The following USP31 variants were observed in gnomAD, a reference collection of about 807,000 sequenced individuals.
USP31 encodes the protein ubiquitin specific peptidase 31.
In USP31, 44 loss-of-function variants were observed where a neutral mutation model predicts 119.4. The observed-to-expected ratio is 0.37, with a 90% confidence interval of 0.29 to 0.47. The LOEUF (loss-of-function observed/expected upper bound fraction) is 0.47, where lower values mean the gene tolerates loss of function less well. Ranked by LOEUF, USP31 falls within the 20% of genes least tolerant of loss-of-function variation. The probability of loss-of-function intolerance (pLI) is 0.99; values close to 1 mark genes in which losing one functional copy is unlikely to be tolerated. For synonymous variants in USP31, 749 were observed against 705.6 expected (o/e 1.06, Z -0.97); for missense variants, 1,643 against 1,730.2 (o/e 0.95, Z 0.89).
intron 13 of USP31, among the ~76,000 whole-genome samples, chr16:23,077,854 A>G (rs1436531642): frequency 6.6e-6 from 1 of 152,208 alleles, no homozygotes; most frequent in Non-Finnish European, 1.5e-5. Flanking sequence ...CCAAGACTCA[A>G]TCTCAAGGAA....
intron 1 of USP31, among the ~76,000 whole-genome samples, chr16:23,113,458 G>C (rs563955358): frequency 6.6e-6 from 1 of 152,302 alleles, no homozygotes; most frequent in South Asian, 2.1e-4. Context: ...AGCCAGGAGA[G>C]AGAGAGTGGC....
chr16:23,071,515 T>C (rs1351567312), intron 15 of USP31, among the ~76,000 whole-genome samples: 2 of 151,880 alleles, frequency 1.3e-5, no homozygotes, highest in African/African-American at 2.4e-5. Flanking sequence ...GACTTTTTAC[T>C]ATCTCTATGC....
rs149815890 is a variant in USP31 at position 23,068,179 on chromosome 16, C to G, written c.3926G>C (p.Arg1309Pro). The G allele has an allele frequency of 6.2e-7, 1 of 1,614,152 alleles. No homozygotes were observed. The highest frequency in any genetic ancestry group is 1.7e-5 in the Admixed American group (1 of 60,024). Residue 1309 changes from arginine to proline, a missense_variant, in exon 16 of 16, where the codon CGC (arginine) becomes CCC (proline). Physicochemically the swap from Arg to Pro is moderately radical, Grantham distance 103. Transcript: ENST00000219689. ...ASAKHSLLSARKSKSSQLDSG... is the reference protein window; with the variant it reads ...ASAKHSLLSAPKSKSSQLDSG... The stretch of plus-strand genomic sequence containing the variant: ...GTCTAGTTGGGAAGACTTGGATTTG[C>G]GAGCGGACAGCAGGGAATGTTTGGC...
In USP31 at chr16:23,073,795, C is replaced by G; in HGVS notation, c.2262G>C (p.Thr754=). 6.2e-7 allele frequency: 1 copy of G among 1,614,098 alleles called. No homozygotes were observed. The highest frequency in any genetic ancestry group is 8.5e-7 in the Non-Finnish European group (1 of 1,180,016). The change falls in exon 14 of 16, where the codon ACG becomes ACC. Residue 754 remains threonine (T), a synonymous_variant. Coordinates refer to ENST00000219689, the MANE Select transcript of USP31 (RefSeq NM_020718.4). ...GGTAGAAGAGGATGTATGCTGTCTG[C>G]GTGCAGACCTCATCTTCTGACAGCT... is the stretch of plus-strand genomic sequence containing the variant. ...VQQLSEDEVC[T]QTAYILFYQR...
chr16:23,140,745 A>T (rs901638157), intron 1 of USP31, among the ~76,000 whole-genome samples: 3 of 152,072 alleles, frequency 2.0e-5, no homozygotes, highest in African/African-American at 7.2e-5. Flanking sequence ...TCTGAACCTG[A>T]ATTCCTGACT....
At chr16:23,134,871 T>C (rs1298981466) in intron 1 of USP31, among the ~76,000 whole-genome samples, 2 of 139,760 alleles carry the variant, frequency 1.4e-5, no homozygotes, top group African/African-American at 5.3e-5. Context: ...ATGTACCAAA[T>C]GTTTAAAGTT....
At chr16:23,096,309 T>C (rs1371412375) in intron 6 of USP31, among the ~76,000 whole-genome samples, 2 of 152,130 alleles carry the variant, frequency 1.3e-5, no homozygotes, top group Non-Finnish European at 2.9e-5. Context: ...CCTACATATA[T>C]ATGCACCCAA....
rs1285556878 is a variant in USP31, at chr16:23,069,304, T to C, written c.2801A>G (p.His934Arg). Reference sequence around the variant, plus strand: ...CAGAGGGGCCCGGCCCACAGCCTTGTGCTCACGGCGACTATGACTGTCGCT... The same window carrying C: ...CAGAGGGGCCCGGCCCACAGCCTTGCGCTCACGGCGACTATGACTGTCGCT... ...EPSDSHSRRE[H>R]KAVGRAPLAV... The change falls in exon 16 of 16, where the codon CAC (histidine) becomes CGC (arginine). Residue 934 changes from histidine (H) to arginine (R), a missense_variant. Coordinates refer to ENST00000219689, the MANE Select transcript of USP31 (RefSeq NM_020718.4). 7 of 1,608,732 alleles carry C rather than the reference T, an allele frequency of 4.4e-6. No individual in the cohort carries two copies. The highest frequency in any genetic ancestry group is 1.7e-4 in the Middle Eastern group (1 of 6,060).
Position 23,148,618 on chromosome 16 carries a change from G to A in USP31, c.633+20C>T. 5 of 1,450,948 alleles carry A rather than the reference G, an allele frequency of 3.4e-6. 1 individual carries two copies. In the South Asian group the frequency reaches 4.2e-5, roughly 12 times the overall value. The allele number at this position is 1,450,948 out of a possible 1,614,324, so 89.9% of individuals were successfully genotyped here. ...CAGGGGCTCGGGGTGCAGTGGGGGC[G>A]CGGCGGCGCGCGGGCTCACCTTGAA... is the stretch of plus-strand genomic sequence containing the variant. On this transcript the variant is annotated intron_variant, in intron 1 of 15. Coordinates refer to ENST00000219689, the MANE Select transcript of USP31 (RefSeq NM_020718.4).
In USP31 at chr16:23,148,892, C is replaced by G; in HGVS notation, c.379G>C (p.Val127Leu). 2 of 1,447,914 alleles carry G rather than the reference C, an allele frequency of 1.4e-6. No individual in the cohort carries two copies. Among genetic ancestry groups the G allele is most frequent in the Non-Finnish European group, 1.8e-6 (2 of 1,092,142 alleles). 89.7% of individuals were successfully genotyped at this position (1,447,914 alleles called of 1,614,324 possible). A position where few individuals can be genotyped will look rare whatever the true frequency, so the allele number is the denominator to read the frequency against. ...PACAAEPVPG[V>L]AGLRNHGNTC... ...TTGCCGTGGTTGCGGAGCCCCGCCACGCCGGGCACCGGCTCGGCGGCGCAA... is the reference window on the plus strand; with the variant it reads ...TTGCCGTGGTTGCGGAGCCCCGCCAGGCCGGGCACCGGCTCGGCGGCGCAA... Residue 127 changes from valine (V) to leucine (L), a missense_variant, in exon 1 of 16, where the codon GTG (valine) becomes CTG (leucine). Coordinates refer to ENST00000219689, the MANE Select transcript of USP31 (RefSeq NM_020718.4).
intron 5 of USP31, among the ~76,000 whole-genome samples, chr16:23,103,426 A>C (rs1207006540): frequency 2.0e-5 from 3 of 152,260 alleles, no homozygotes. Flanking sequence ...CAAAAATCTA[A>C]GTAAATACAA....
chr16:23,087,283 T>C (rs1901152209), intron 8 of USP31, 97 bp from the exon 9 acceptor site: 4 of 1,023,236 alleles, frequency 3.9e-6, no homozygotes, highest in Non-Finnish European at 5.8e-6. Context: ...TACAGTAAAC[T>C]GTTTATTCTG....
chr16:23,077,364 G>A lies in USP31; in HGVS notation c.2176+2582C>T, dbSNP rs139014785. Among the ~76,000 whole-genome samples the A allele has an allele frequency of 2.2e-4, 34 of 152,168 alleles. 1 individual carries two copies. ...CTATTTAAAGAACTTGAACTAAAAG[G>A]GTTTCAAGAATAAAAGATTATTGTG... On this transcript the variant is annotated intron_variant, in intron 13 of 15. Transcript: ENST00000219689.
At position 23,148,661 on chromosome 16, in the gene USP31, G is replaced by C; in HGVS notation, c.610C>G (p.Pro204Ala). ...ACCTTGAAGTCGCGGCTGTGCTGCG[G>C]GGTGTACTCCAGGGTCCAGAGGGCC... The part of the protein sequence containing the change: ...VRALWTLEYT[P>A]QHSRDFKTIV... The change falls in exon 1 of 16, where the codon CCG (proline) becomes GCG (alanine). Residue 204 changes from proline to alanine, a missense_variant. Transcript: ENST00000219689. The C allele has an allele frequency of 2.0e-6, 3 of 1,498,262 alleles. No individual in the cohort carries two copies. Among genetic ancestry groups the C allele is most frequent in the Admixed American group, 2.3e-5 (1 of 44,158 alleles). 92.8% of individuals were successfully genotyped at this position (1,498,262 alleles called of 1,614,324 possible).
Position 23,111,951 on chromosome 16 carries a change from C to G in USP31, c.634-3768G>C, listed in dbSNP as rs1206093669. On this transcript the variant is annotated intron_variant, in intron 1 of 15. Transcript: ENST00000219689. ...ACAGATTTGCGATTTGCATCACAAT[C>G]TGATGATCAGTTTGATCTGAATCAA... is the stretch of plus-strand genomic sequence containing the variant. Among the ~76,000 whole-genome samples, 6 of 152,160 alleles carry G rather than the reference C, an allele frequency of 3.9e-5. No individual in the cohort carries two copies. The East Asian group carries it at 9.6e-4, about 24-fold the overall frequency.
intron 5 of USP31, among the ~76,000 whole-genome samples, chr16:23,103,577 C>T (rs1274442516): frequency 6.6e-6 from 1 of 152,184 alleles, no homozygotes; most frequent in Non-Finnish European, 1.5e-5. Context: ...GTATGAGATA[C>T]TTCCTCTTTC....
chr16:23,121,315 T>C (rs1902661380), intron 1 of USP31, among the ~76,000 whole-genome samples: 1 of 152,164 alleles, frequency 6.6e-6, no homozygotes, highest in Admixed American at 6.5e-5. Context: ...AGGCCTCCAA[T>C]CAATCACAGC....
chr16:23,115,211 AT>A (rs11457132), intron 1 of USP31, among the ~76,000 whole-genome samples: 5 of 151,838 alleles, frequency 3.3e-5, no homozygotes, highest in African/African-American at 1.2e-4. Flanking sequence ...GCCTTTTACG[AT>A]TTTTTTTCAT....
intron 6 of USP31, among the ~76,000 whole-genome samples, chr16:23,096,246 A>G (rs979321941): frequency 2.6e-5 from 4 of 152,224 alleles, no homozygotes; most frequent in Non-Finnish European, 1.5e-5. Context: ...AGAGAAAAAG[A>G]AGGCCATTAC....
Sources: gnomAD v4.1 joint callset for allele counts (sites outside exome capture counted in the v4.1 genomes callset) on GRCh38, gnomAD v4.1.1 for gene constraint, MANE v1.5 for transcripts, NCBI Gene and HGNC (gene_info 2026-07-23, HGNC 2026-07-21) for gene names.